The following DLGAP1 variants were observed in gnomAD, a reference collection of about 807,000 sequenced individuals.
DLGAP1 encodes the protein DLG associated protein 1.
In DLGAP1, 11 loss-of-function variants were observed where a neutral mutation model predicts 90.8. The observed-to-expected ratio is 0.12, with a 90% CI of 0.08 to 0.20. The LOEUF (loss-of-function observed/expected upper bound fraction) is 0.20, where lower values mean the gene tolerates loss of function less well. DLGAP1 is among the 10% of genes least tolerant of loss of function. DLGAP1 has a pLI of 1.00. For missense variants in DLGAP1, 1,050 were observed against 1,333.8 expected (o/e 0.79, Z 3.31); for synonymous variants, 558 against 540.7 (o/e 1.03, Z -0.44).
intron 7 of DLGAP1, among the ~76,000 whole-genome samples, chr18:3,599,642 A>C (rs1599452779): frequency 6.6e-6 from 1 of 152,218 alleles, no homozygotes; most frequent in Admixed American, 6.5e-5. Context: ...TTGTTTTTTG[A>C]GACAGTCTCA....
At chr18:3,591,415 C>T (rs996677323) in intron 7 of DLGAP1, among the ~76,000 whole-genome samples, 1 of 152,124 alleles carries the variant, frequency 6.6e-6, no homozygotes, top group South Asian at 2.1e-4. Context: ...AGGCCTGTTG[C>T]GGTGGCTCAT....
In DLGAP1 at chr18:4,243,422, C is replaced by T. The variant is rs566847742; in HGVS notation, c.-266-92135G>A. Among the ~76,000 whole-genome samples, 5 of 152,224 alleles carry T rather than the reference C, an allele frequency of 3.3e-5. No individual in the cohort carries two copies. In the South Asian group the frequency reaches 1.0e-3, roughly 32 times the overall value. ...TCCTCAGTTTTGCTTTTGTGGACTTCCTGCCAGATCCTCCCAAGGCTCTGC... is the reference window on the plus strand; with the variant it reads ...TCCTCAGTTTTGCTTTTGTGGACTTTCTGCCAGATCCTCCCAAGGCTCTGC... On this transcript the variant is annotated intron_variant, in intron 1 of 12. Transcript: ENST00000315677.
intron 1 of DLGAP1, among the ~76,000 whole-genome samples, chr18:4,408,177 A>G (rs980715222): frequency 4.6e-5 from 7 of 152,146 alleles, no homozygotes; most frequent in African/African-American, 7.2e-5. Context: ...GCTCCAAAGA[A>G]AAGTTATTCT....
chr18:3,632,014 A>G (rs1044797494), intron 7 of DLGAP1, among the ~76,000 whole-genome samples: 1 of 152,028 alleles, frequency 6.6e-6, no homozygotes, highest in African/African-American at 2.4e-5. Context: ...GGCTCAAGTG[A>G]TCCTCCCACC....
intron 1 of DLGAP1, among the ~76,000 whole-genome samples, chr18:4,213,519 A>G (rs2077890110): frequency 6.6e-6 from 1 of 152,200 alleles, no homozygotes; most frequent in South Asian, 2.1e-4. Context: ...GGTGCCACTC[A>G]GAGATGTAGA....
intron 1 of DLGAP1, among the ~76,000 whole-genome samples, chr18:4,355,553 T>C (rs571693045): frequency 2.6e-4 from 40 of 152,202 alleles, no homozygotes; most frequent in Middle Eastern, 3.4e-3. Flanking sequence ...ACATACGTGA[T>C]AAAATTAAAT....
chr18:3,502,698 ACAGGGC>A, intron 11 of DLGAP1, 53 bp from the exon 12 acceptor site: 1 of 1,565,336 alleles, frequency 6.4e-7, no homozygotes, highest in East Asian at 2.2e-5. Flanking sequence ...CTTGACAAGC[ACAGGGC>A]CAAAAAGGCA....
chr18:4,386,839 G>T (rs1288266276), intron 1 of DLGAP1, among the ~76,000 whole-genome samples: 2 of 152,136 alleles, frequency 1.3e-5, no homozygotes, highest in Non-Finnish European at 2.9e-5. Flanking sequence ...AGAAGATGCT[G>T]GTTAAAGCAA....
Position 4,114,968 on chromosome 18 carries a change from C to T in DLGAP1, c.-159+36212G>A, listed in dbSNP as rs536593334. Among the ~76,000 whole-genome samples the T allele has an allele frequency of 2.0e-5, 3 of 152,090 alleles. 1 individual carries two copies. Among genetic ancestry groups the T allele is most frequent in the Middle Eastern group, 6.8e-3 (2 of 294 alleles). On this transcript the variant is annotated intron_variant, in intron 2 of 12. Coordinates refer to ENST00000315677, the MANE Select transcript of DLGAP1 (RefSeq NM_004746.4). Reference sequence around the variant, plus strand: ...TTTTATTGTAATACTTAGATTTAATCTGTCATTGTTTTTATTTGTTTTGTC... The same window carrying T: ...TTTTATTGTAATACTTAGATTTAATTTGTCATTGTTTTTATTTGTTTTGTC...
chr18:3,922,001 T>C (rs2148912889), intron 3 of DLGAP1, among the ~76,000 whole-genome samples: 1 of 152,076 alleles, frequency 6.6e-6, no homozygotes, highest in Non-Finnish European at 1.5e-5. Context: ...GCCTCAGACC[T>C]GAGGGGATGC....
chr18:4,096,292 T>C (rs2075677996), intron 2 of DLGAP1, among the ~76,000 whole-genome samples: 1 of 152,176 alleles, frequency 6.6e-6, no homozygotes, highest in Non-Finnish European at 1.5e-5. Context: ...CCCAAAGTGC[T>C]GGGATTACAG....
At chr18:4,381,203 A>G (rs988260841) in intron 1 of DLGAP1, among the ~76,000 whole-genome samples, 4 of 152,184 alleles carry the variant, frequency 2.6e-5, no homozygotes, top group African/African-American at 4.8e-5. Flanking sequence ...TTGACTTTGT[A>G]TGGCCATTCT....
At chr18:4,224,040 C>T (rs974859229) in intron 1 of DLGAP1, among the ~76,000 whole-genome samples, 9 of 152,336 alleles carry the variant, frequency 5.9e-5, no homozygotes, top group Non-Finnish European at 1.3e-4. Context: ...CTGAGACACT[C>T]ATTCCAGGCC....
chr18:4,171,629 C>T (rs2077028223), intron 1 of DLGAP1, among the ~76,000 whole-genome samples: 1 of 151,708 alleles, frequency 6.6e-6, no homozygotes, highest in Non-Finnish European at 1.5e-5. Flanking sequence ...GAAAAGCCCA[C>T]TCAGCAGTTG....
intron 1 of DLGAP1, among the ~76,000 whole-genome samples, chr18:4,161,380 A>G (rs1401516539): frequency 1.3e-5 from 2 of 152,130 alleles, no homozygotes; most frequent in East Asian, 1.9e-4. Flanking sequence ...TGCTGAGGAT[A>G]ATGCCTTCCA....
chr18:3,626,560 C>T (rs902787347), intron 7 of DLGAP1, among the ~76,000 whole-genome samples: 2 of 150,072 alleles, frequency 1.3e-5, no homozygotes, highest in Non-Finnish European at 3.0e-5. Context: ...CACCACTGCA[C>T]TCCACCCTGC....
rs549717158 is a variant in DLGAP1 at position 3,702,120 on chromosome 18, C to T, written c.1591+27015G>A. On this transcript the variant is annotated intron_variant, in intron 7 of 12. Transcript: ENST00000315677. ...ATGCTGGAGGGCAATGGCACAATCT[C>T]GGCTCAATGCAACCTTTGCCTCCCG... Among the ~76,000 whole-genome samples the T allele has an allele frequency of 6.6e-5, 10 of 152,240 alleles. No homozygotes were observed. The East Asian group carries it at 7.7e-4, about 12-fold the overall frequency.
At position 3,846,189 on chromosome 18, in the gene DLGAP1, C is replaced by T. The variant is rs115706600; in HGVS notation, c.958-31916G>A. Among the ~76,000 whole-genome samples the T allele has an allele frequency of 3.9e-3, 593 of 152,072 alleles. 2 individuals carry two copies. Among genetic ancestry groups the T allele is most frequent in the African/African-American group, 0.014 (571 of 41,502 alleles). On this transcript the variant is annotated intron_variant, in intron 4 of 12. Coordinates refer to ENST00000315677, the MANE Select transcript of DLGAP1 (RefSeq NM_004746.4). ...TACTAAAATCCAGCTTTACTGAGTGCAATCTGCAACCACATCAGCAAGATC... is the reference window on the plus strand; with the variant it reads ...TACTAAAATCCAGCTTTACTGAGTGTAATCTGCAACCACATCAGCAAGATC...
intron 2 of DLGAP1, among the ~76,000 whole-genome samples, chr18:4,038,436 G>A (rs2074923396): frequency 6.6e-6 from 1 of 152,142 alleles, no homozygotes; most frequent in Non-Finnish European, 1.5e-5. Context: ...AAGCCTATAG[G>A]AGAGCAGCCA....
Sources: allele counts gnomAD v4.1 joint callset (sites outside exome capture counted in the v4.1 genomes callset), GRCh38; gene constraint gnomAD v4.1.1; transcripts MANE v1.5; gene names NCBI Gene and HGNC (gene_info 2026-07-23, HGNC 2026-07-21).